The following MYOCD variants were observed in gnomAD, a reference collection of about 807,000 sequenced individuals.
The protein encoded by MYOCD is myocardin.
Under a neutral mutation model 96.1 loss-of-function variants are expected in MYOCD, and 32 were observed. That is an observed-to-expected ratio of 0.33 (90% CI 0.25 to 0.45). The LOEUF (loss-of-function observed/expected upper bound fraction) is 0.45, where lower values mean the gene tolerates loss of function less well. Among genes scored for constraint, MYOCD ranks in the 20% least tolerant of loss-of-function variants. The pLI, the probability that MYOCD is intolerant of heterozygous loss-of-function variation, is 1.00. For missense variants in MYOCD, 1,133 were observed against 1,200.6 expected (o/e 0.94, Z 0.83); for synonymous variants, 469 against 469.0 (o/e 1.00, Z 0.00).
chr17:12,766,228 G>C lies in MYOCD; in HGVS notation c.*2584G>C, dbSNP rs1001915159. On this transcript the variant is annotated 3_prime_UTR_variant, in exon 14 of 14. Transcript: ENST00000425538. ...CCCCTACTCTGAGACCTGGGACTGA[G>C]TGTTAATTATTTTTTCCTTGGGTAT... 2 of 152,290 alleles carry C rather than the reference G, an allele frequency of 1.3e-5. No homozygotes were observed. The highest frequency in any genetic ancestry group is 1.3e-4 in the Admixed American group (2 of 15,292). 9.4% of individuals were successfully genotyped at this position (152,290 alleles called of 1,614,324 possible). A position where few individuals can be genotyped will look rare whatever the true frequency, so the allele number is the denominator to read the frequency against.
intron 1 of MYOCD, among the ~76,000 whole-genome samples, chr17:12,671,381 T>C (rs573912474): frequency 2.2e-4 from 34 of 152,250 alleles, no homozygotes; most frequent in Non-Finnish European, 4.1e-4. Flanking sequence ...TGACTATAAA[T>C]ACAAAAGTCA....
intron 7 of MYOCD, among the ~76,000 whole-genome samples, chr17:12,742,956 A>T (rs561547514): frequency 6.6e-6 from 1 of 152,208 alleles, no homozygotes; most frequent in Admixed American, 6.5e-5. Flanking sequence ...GGAGCAGGTT[A>T]TAGACATAAT....
At chr17:12,682,176 C>A (rs550412536) in intron 1 of MYOCD, among the ~76,000 whole-genome samples, 29 of 152,222 alleles carry the variant, frequency 1.9e-4, no homozygotes, top group Non-Finnish European at 3.4e-4. Flanking sequence ...CAAAGAGGAA[C>A]ATGTCAGACC....
At chr17:12,752,262 CA>C in intron 9 of MYOCD, 151 bp from the exon 10 acceptor site, 2 of 657,046 alleles carry the variant, frequency 3.0e-6, no homozygotes, top group Non-Finnish European at 2.6e-6. Flanking sequence ...TGATTTATAT[CA>C]GGGGTAGGAG....
At chr17:12,718,489 G>A (rs765015167) in intron 4 of MYOCD, among the ~76,000 whole-genome samples, 9 of 152,180 alleles carry the variant, frequency 5.9e-5, no homozygotes, top group Admixed American at 1.3e-4. Context: ...GCTTTAAAGC[G>A]CACGAAAGAC....
chr17:12,746,607 C>G (rs1224729238), intron 9 of MYOCD, among the ~76,000 whole-genome samples: 1 of 152,044 alleles, frequency 6.6e-6, no homozygotes, highest in Non-Finnish European at 1.5e-5. Flanking sequence ...CCTCAAAACC[C>G]ACTTTTGGGA....
intron 11 of MYOCD, 91 bp downstream of exon 11, chr17:12,756,648 A>C: frequency 8.6e-7 from 1 of 1,156,386 alleles, no homozygotes; most frequent in Non-Finnish European, 1.2e-6. Flanking sequence ...GTGAGCCGAG[A>C]TCGCACCACT....
At chr17:12,700,900 A>G (rs1476017080) in intron 1 of MYOCD, among the ~76,000 whole-genome samples, 1 of 152,016 alleles carries the variant, frequency 6.6e-6, no homozygotes, top group Admixed American at 6.6e-5. Context: ...ATATTTTTGT[A>G]TGTGTGTGTA....
chr17:12,675,782 C>T (rs1203398368), intron 1 of MYOCD, among the ~76,000 whole-genome samples: 1 of 152,164 alleles, frequency 6.6e-6, no homozygotes, highest in Non-Finnish European at 1.5e-5. Flanking sequence ...TCGCTTGAAC[C>T]CAGGAGGCGG....
intron 1 of MYOCD, among the ~76,000 whole-genome samples, chr17:12,693,037 C>A (rs967491929): frequency 6.6e-6 from 1 of 152,096 alleles, no homozygotes; most frequent in African/African-American, 2.4e-5. Context: ...GAGCTACAAG[C>A]GTGGAATCTA....
intron 1 of MYOCD, among the ~76,000 whole-genome samples, chr17:12,696,390 G>T (rs556159751): frequency 1.3e-5 from 2 of 152,286 alleles, no homozygotes; most frequent in South Asian, 4.2e-4. Flanking sequence ...AGATGTACAA[G>T]TATCTCTTCA....
intron 1 of MYOCD, among the ~76,000 whole-genome samples, chr17:12,697,762 AT>A (rs1449273193): frequency 6.6e-6 from 1 of 152,200 alleles, no homozygotes; most frequent in African/African-American, 2.4e-5. Context: ...CTAAAAAAAA[AT>A]AGGAAGTATA....
At chr17:12,695,633 A>G (rs1407749591) in intron 1 of MYOCD, among the ~76,000 whole-genome samples, 1 of 152,192 alleles carries the variant, frequency 6.6e-6, no homozygotes, top group Non-Finnish European at 1.5e-5. Context: ...TATTTTAATG[A>G]ATGAATTTTT....
intron 9 of MYOCD, among the ~76,000 whole-genome samples, chr17:12,750,083 C>T (rs537580144): frequency 6.6e-6 from 1 of 151,994 alleles, no homozygotes; most frequent in Non-Finnish European, 1.5e-5. Context: ...GTGATCCGCC[C>T]GCCTCGGCCT....
At chr17:12,734,114 T>A (rs76266542) in intron 5 of MYOCD, among the ~76,000 whole-genome samples, 2 of 151,696 alleles carry the variant, frequency 1.3e-5, no homozygotes, top group Non-Finnish European at 1.5e-5. Flanking sequence ...TTAGAATATG[T>A]AGATTTTGCA....
chr17:12,698,587 A>G (rs890077964), intron 1 of MYOCD, among the ~76,000 whole-genome samples: 2 of 152,218 alleles, frequency 1.3e-5, no homozygotes, highest in Admixed American at 1.3e-4. Context: ...AACGAATGTA[A>G]TGAATTAATG....
At chr17:12,748,177 A>C (rs1434716224) in intron 9 of MYOCD, among the ~76,000 whole-genome samples, 2 of 148,932 alleles carry the variant, frequency 1.3e-5, no homozygotes, top group East Asian at 1.9e-4. Context: ...AAAAAAAAAA[A>C]ACAAAAAAAC....
chr17:12,755,055 C>T (rs185324919), intron 10 of MYOCD, among the ~76,000 whole-genome samples: 1 of 152,168 alleles, frequency 6.6e-6, no homozygotes, highest in Non-Finnish European at 1.5e-5. Flanking sequence ...TTTTACAAAC[C>T]TACAGGAACA....
intron 2 of MYOCD, among the ~76,000 whole-genome samples, chr17:12,714,016 A>G (rs543241218): frequency 6.4e-4 from 97 of 151,996 alleles, no homozygotes; most frequent in Non-Finnish European, 1.2e-3. Flanking sequence ...TTTCTATAAG[A>G]AGGGAAGTCT....
Sources: allele counts gnomAD v4.1 joint callset (sites outside exome capture counted in the v4.1 genomes callset), GRCh38; gene constraint gnomAD v4.1.1; transcripts MANE v1.5; gene names NCBI Gene and HGNC (gene_info 2026-07-23, HGNC 2026-07-21).